COQ5: variants seen among roughly 807,000 people sequenced by gnomAD.
COQ5 encodes 2-methoxy-6-polyprenyl-1,4-benzoquinol methylase, mitochondrial.
COQ5 carries 27 observed loss-of-function variants against 40.5 expected under a neutral mutation model. That is an observed-to-expected ratio of 0.67 (90% CI 0.49 to 0.92). The LOEUF (loss-of-function observed/expected upper bound fraction) is 0.92, where lower values mean the gene tolerates loss of function less well. Among genes scored for constraint, COQ5 ranks in the 40% least tolerant of loss-of-function variants. The pLI, the probability that COQ5 is intolerant of heterozygous loss-of-function variation, is 0.00. For synonymous variants in COQ5, 141 were observed against 150.0 expected (o/e 0.94, Z 0.44); for missense variants, 409 against 406.4 (o/e 1.01, Z -0.06).
chr12:120,508,290 G>T (rs1057327187), intron 4 of COQ5, among the ~76,000 whole-genome samples: 1 of 151,968 alleles, frequency 6.6e-6, no homozygotes, highest in Non-Finnish European at 1.5e-5. Context: ...CCTCCAAAGA[G>T]TTCAAGACCA....
chr12:120,521,100 C>G lies in COQ5; in HGVS notation c.352+1114G>C, dbSNP rs959072984. Among the ~76,000 whole-genome samples, 11 of 135,694 alleles carry G rather than the reference C, an allele frequency of 8.1e-5. 1 individual carries two copies. In the East Asian group the frequency reaches 2.4e-3, roughly 29 times the overall value. The allele number at this position is 135,694 out of a possible 152,430, so 89.0% of individuals were successfully genotyped here. A position where few individuals can be genotyped will look rare whatever the true frequency, so the allele number is the denominator to read the frequency against. ...TTTTTTTTTGAGACGGAATCTTGCT[C>G]TGTTGCCCAGGCTGGAGTGTAATGG... On this transcript the variant is annotated intron_variant, in intron 2 of 6. Transcript: ENST00000288532.
chr12:120,522,910 C>G (rs1264445064), intron 1 of COQ5: 1 of 716,070 alleles, frequency 1.4e-6, no homozygotes, highest in African/African-American at 1.7e-5. Context: ...TTGATAGCGT[C>G]AGCACGTGCA....
rs775840919 is a variant in COQ5, at chr12:120,522,196, T to C, written c.352+18A>G. 58 of 1,613,950 alleles carry C rather than the reference T, an allele frequency of 3.6e-5. No homozygotes were observed. Among genetic ancestry groups the C allele is most frequent in the Admixed American group, 1.0e-4 (6 of 59,980 alleles). Reference sequence around the variant, plus strand: ...AAACATGCTCAATGGTAGTGAAGGATACCAAACTCGACATTACCTGTGCCT... The same window carrying C: ...AAACATGCTCAATGGTAGTGAAGGACACCAAACTCGACATTACCTGTGCCT... On this transcript the variant is annotated intron_variant, in intron 2 of 6. Coordinates refer to ENST00000288532, the MANE Select transcript of COQ5 (RefSeq NM_032314.4).
intron 4 of COQ5, among the ~76,000 whole-genome samples, chr12:120,506,795 G>A (rs1868901659): frequency 6.6e-6 from 1 of 152,064 alleles, no homozygotes; most frequent in African/African-American, 2.4e-5. Context: ...TAAAGCCAAT[G>A]TCTTCTGCTC....
In COQ5 at chr12:120,522,258, T is replaced by G; in HGVS notation, c.308A>C (p.His103Pro). 1 of 1,614,090 alleles carries G rather than the reference T, an allele frequency of 6.2e-7. No homozygotes were observed. Among genetic ancestry groups the G allele is most frequent in the Non-Finnish European group, 8.5e-7 (1 of 1,180,020 alleles). Residue 103 changes from histidine (H) to proline (P), a missense_variant, in exon 2 of 7, where the codon CAC becomes CCC. Coordinates refer to ENST00000288532, the MANE Select transcript of COQ5 (RefSeq NM_032314.4). ...VWKDLLLWKMHPLPGTQLLDV... is the reference protein window; with the variant it reads ...VWKDLLLWKMPPLPGTQLLDV... ...AAGCAGCTGGGTCCCAGGAAGCGGG[T>G]GCATCTTCCAGAGCAGCAAATCCTT... is the stretch of plus-strand genomic sequence containing the variant.
At chr12:120,509,564 A>G (rs1008022620) in intron 4 of COQ5, among the ~76,000 whole-genome samples, 1 of 152,176 alleles carries the variant, frequency 6.6e-6, no homozygotes. Context: ...AAAAGGCCAG[A>G]GCAAGACAAA....
At chr12:120,520,796 C>A (rs979172741) in intron 2 of COQ5, among the ~76,000 whole-genome samples, 4 of 151,882 alleles carry the variant, frequency 2.6e-5, no homozygotes, top group African/African-American at 9.7e-5. Context: ...ATCACCAAGA[C>A]GCATTGTGTA....
Position 120,504,971 on chromosome 12 carries a change from C to G in COQ5, c.694G>C (p.Ala232Pro). The change falls in exon 5 of 7, where the codon GCT (alanine) becomes CCT (proline). Residue 232 changes from alanine (A) to proline (P), a missense_variant. Transcript: ENST00000288532. ...CCTCCTGGTTTCAGCACCCGATGAG[C>G]TTCCTGGAGTGCCTGAGCAAGACAA... ...VTHIDQALQE[A>P]HRVLKPGGRF... 6.2e-7 allele frequency: 1 copy of G among 1,614,108 alleles called. No individual in the cohort carries two copies. Among genetic ancestry groups the G allele is most frequent in the Non-Finnish European group, 8.5e-7 (1 of 1,179,988 alleles).
At chr12:120,506,800 CT>C (rs1868902112) in intron 4 of COQ5, among the ~76,000 whole-genome samples, 2 of 152,268 alleles carry the variant, frequency 1.3e-5, no homozygotes, top group South Asian at 4.1e-4. Flanking sequence ...CCAATGTCTT[CT>C]GCTCAACTCA....
chr12:120,514,198 T>C (rs150933620), intron 3 of COQ5, among the ~76,000 whole-genome samples: 2 of 152,212 alleles, frequency 1.3e-5, no homozygotes, highest in African/African-American at 2.4e-5. Context: ...CCAGTATTGA[T>C]GGTTAACAAA....
chr12:120,503,556 A>G lies in COQ5; in HGVS notation c.*228T>C. 1.5e-6 allele frequency: 1 copy of G among 651,914 alleles called. No homozygotes were observed. The highest frequency in any genetic ancestry group is 2.8e-6 in the Non-Finnish European group (1 of 352,820). The allele number at this position is 651,914 out of a possible 1,614,324, so 40.4% of individuals were successfully genotyped here. A position where few individuals can be genotyped will look rare whatever the true frequency, so the allele number is the denominator to read the frequency against. The stretch of plus-strand genomic sequence containing the variant: ...AAGAGAAATTAGCAGTTGAGCAAAG[A>G]TACAGACCAAATGCCTCTGGGAGAT... On this transcript the variant is annotated 3_prime_UTR_variant, in exon 7 of 7. Transcript: ENST00000288532.
At chr12:120,525,999 TC>T (rs1207019073) in intron 1 of COQ5, among the ~76,000 whole-genome samples, 4 of 152,098 alleles carry the variant, frequency 2.6e-5, no homozygotes, top group African/African-American at 7.2e-5. Context: ...TGCATGAATT[TC>T]AGTTACTGTG....
intron 4 of COQ5, among the ~76,000 whole-genome samples, chr12:120,508,743 T>A (rs1868994634): frequency 1.3e-5 from 2 of 151,922 alleles, no homozygotes; most frequent in African/African-American, 4.8e-5. Context: ...AAAATTTTTT[T>A]CCCCAGGCGT....
At chr12:120,510,777 T>C (rs1869096482) in intron 3 of COQ5, among the ~76,000 whole-genome samples, 2 of 152,172 alleles carry the variant, frequency 1.3e-5, no homozygotes, top group Non-Finnish European at 2.9e-5. Flanking sequence ...AGCATCAGCG[T>C]GTCTAGGTCT....
rs1216897460 is a variant in COQ5 at position 120,529,104 on chromosome 12, C to T, written c.38G>A (p.Cys13Tyr). 4 of 1,613,990 alleles carry T rather than the reference C, an allele frequency of 2.5e-6. No homozygotes were observed. Among genetic ancestry groups the T allele is most frequent in the East Asian group, 2.2e-5 (1 of 44,876 alleles). The change falls in exon 1 of 7, where the codon TGC becomes TAC. Residue 13 changes from cysteine (C) to tyrosine (Y), a missense_variant. Cys to Tyr is a radical substitution (Grantham distance 194). Coordinates refer to ENST00000288532, the MANE Select transcript of COQ5 (RefSeq NM_032314.4). ...CATCGCCCGCGACCACCCACGGCCGCAATAGCTCCATAGAGCACAGCTCCC... is the reference window on the plus strand; with the variant it reads ...CATCGCCCGCGACCACCCACGGCCGTAATAGCTCCATAGAGCACAGCTCCC... Reference protein sequence around the residue: ...APGSCALWSYCGRGWSRAMRG... With the variant: ...APGSCALWSYYGRGWSRAMRG...
At chr12:120,515,512 G>A (rs1219811099) in intron 3 of COQ5, among the ~76,000 whole-genome samples, 1 of 151,052 alleles carries the variant, frequency 6.6e-6, no homozygotes, top group Non-Finnish European at 1.5e-5. Flanking sequence ...GAAGTGTGAG[G>A]AGTACTGTTC....
chr12:120,506,133 G>C (rs551012224), intron 4 of COQ5, among the ~76,000 whole-genome samples: 7 of 152,146 alleles, frequency 4.6e-5, no homozygotes, highest in Non-Finnish European at 1.0e-4. Context: ...AGGATTACAG[G>C]TGTGAGCCAC....
intron 2 of COQ5, among the ~76,000 whole-genome samples, chr12:120,519,102 A>G (rs1446042343): frequency 6.6e-6 from 1 of 152,226 alleles, no homozygotes; most frequent in African/African-American, 2.4e-5. Flanking sequence ...ATTGTTTTAA[A>G]TAGATAAACA....
At chr12:120,515,073 G>A (rs1259350919) in intron 3 of COQ5, among the ~76,000 whole-genome samples, 2 of 151,410 alleles carry the variant, frequency 1.3e-5, no homozygotes, top group South Asian at 2.1e-4. Context: ...GATTACAGGC[G>A]TGAGCCACCA....
Sources: gnomAD v4.1 joint callset for allele counts (sites outside exome capture counted in the v4.1 genomes callset) on GRCh38, gnomAD v4.1.1 for gene constraint, MANE v1.5 for transcripts, NCBI Gene and HGNC (gene_info 2026-07-23, HGNC 2026-07-21) for gene names.